The following NRG3 variants were observed in gnomAD, a reference collection of about 807,000 sequenced individuals.
The protein encoded by NRG3 is neuregulin 3.
In NRG3, 31 loss-of-function variants were observed where a neutral mutation model predicts 66.9. The ratio of observed to expected loss-of-function variants is 0.46; its 90% CI spans 0.35 to 0.63. The LOEUF (loss-of-function observed/expected upper bound fraction) is 0.63, where lower values mean the gene tolerates loss of function less well. NRG3 is among the 20% of genes least tolerant of loss of function. NRG3 has a pLI of 0.00. For synonymous variants in NRG3, 393 were observed against 359.4 expected, an observed-to-expected ratio of 1.09 and a Z score of -1.06; for missense variants, 910 against 878.9, an observed-to-expected ratio of 1.04 and a Z score of -0.45.
chr10:81,955,360 C>T (rs958556548), intron 1 of NRG3, among the ~76,000 whole-genome samples: 2 of 151,878 alleles, frequency 1.3e-5, no homozygotes, highest in East Asian at 1.9e-4. Flanking sequence ...GTTTGAAGGC[C>T]ATCAGACAGG....
chr10:82,262,067 A>C (rs1420271822), intron 1 of NRG3, among the ~76,000 whole-genome samples: 1 of 152,196 alleles, frequency 6.6e-6, no homozygotes, highest in Non-Finnish European at 1.5e-5. Context: ...CACCAGGAGC[A>C]AATGCTGGAG....
At chr10:82,935,628 T>C (rs1269887663) in intron 4 of NRG3, among the ~76,000 whole-genome samples, 1 of 151,576 alleles carries the variant, frequency 6.6e-6, no homozygotes, top group Non-Finnish European at 1.5e-5. Context: ...ATTTTTCTCT[T>C]TTTTTTTAAA....
At chr10:82,372,865 A>G (rs1168350749) in intron 2 of NRG3, among the ~76,000 whole-genome samples, 6 of 152,216 alleles carry the variant, frequency 3.9e-5, no homozygotes, top group Non-Finnish European at 5.9e-5. Context: ...AAGTGCTGGG[A>G]TTACGGGCAT....
At chr10:82,622,609 T>C (rs543640002) in intron 2 of NRG3, among the ~76,000 whole-genome samples, 5 of 152,326 alleles carry the variant, frequency 3.3e-5, no homozygotes, top group African/African-American at 4.8e-5. Context: ...TTAATTTTGA[T>C]GTTGTCCCAG....
chr10:81,900,240 G>A (rs147430356), intron 1 of NRG3, among the ~76,000 whole-genome samples: 5 of 145,000 alleles, frequency 3.4e-5, no homozygotes, highest in African/African-American at 1.1e-4. Flanking sequence ...GAGCCAATGC[G>A]CCTGGCCGGT....
chr10:82,934,571 C>G (rs1404843134), intron 4 of NRG3, among the ~76,000 whole-genome samples: 1 of 152,212 alleles, frequency 6.6e-6, no homozygotes, highest in Non-Finnish European at 1.5e-5. Flanking sequence ...CTGTAGAGCA[C>G]TGGCTGCTGA....
intron 2 of NRG3, among the ~76,000 whole-genome samples, chr10:82,448,828 G>A (rs928752617): frequency 9.9e-5 from 15 of 151,860 alleles, no homozygotes; most frequent in Admixed American, 8.5e-4. Context: ...CAGCAATTAT[G>A]TGTATATATA....
At chr10:82,729,581 GT>G (rs1261091554) in intron 2 of NRG3, among the ~76,000 whole-genome samples, 1 of 152,140 alleles carries the variant, frequency 6.6e-6, no homozygotes, top group African/African-American at 2.4e-5. Context: ...AGGTATTTTA[GT>G]TTTGTTAATG....
intron 2 of NRG3, among the ~76,000 whole-genome samples, chr10:82,534,031 C>G (rs916063504): frequency 1.3e-5 from 2 of 151,892 alleles, no homozygotes; most frequent in African/African-American, 4.8e-5. Context: ...TACAATAGCA[C>G]AAAAATAATA....
At chr10:82,453,480 G>A (rs1046322369) in intron 2 of NRG3, among the ~76,000 whole-genome samples, 1 of 152,026 alleles carries the variant, frequency 6.6e-6, no homozygotes, top group Non-Finnish European at 1.5e-5. Flanking sequence ...AGGGTTTGTT[G>A]TCTGTAACCA....
At chr10:82,932,713 A>T (rs1298315803) in intron 4 of NRG3, among the ~76,000 whole-genome samples, 2 of 152,148 alleles carry the variant, frequency 1.3e-5, no homozygotes, top group Non-Finnish European at 2.9e-5. Context: ...CTTTTTACAC[A>T]AACTGAACAA....
rs183248758 is a variant in NRG3 at position 81,987,048 on chromosome 10, T to C, written c.823+110885T>C. 2.6e-5 allele frequency among the ~76,000 whole-genome samples: 4 copies of C among 151,812 alleles called. No homozygotes were observed. The East Asian group carries it at 5.9e-4, about 22-fold the overall frequency. On this transcript the variant is annotated intron_variant, in intron 1 of 8. Transcript: ENST00000372141. ...GCACATATAACTTTGAAAACTATAT[T>C]ACCCTGTATAGATGCCATAGTGTGT...
At position 82,461,249 on chromosome 10, in the gene NRG3, GCCA is replaced by G. The variant is rs1019564039; in HGVS notation, c.953+102391_953+102393del. On this transcript the variant is annotated intron_variant, in intron 2 of 8. Transcript: ENST00000372141. The stretch of plus-strand genomic sequence containing the variant: ...CAACACCACCACCACCACCACCACT[GCCA>G]CCACCACCATCGACACCATCACAAA... Among the ~76,000 whole-genome samples the G allele has an allele frequency of 4.8e-5, 7 of 144,674 alleles. No homozygotes were observed. The South Asian group carries it at 6.9e-4, about 14-fold the overall frequency. The allele number at this position is 144,674 out of a possible 152,430, so 94.9% of individuals were successfully genotyped here. A position where few individuals can be genotyped will look rare whatever the true frequency, so the allele number is the denominator to read the frequency against.
Position 82,600,752 on chromosome 10 carries a change from G to T in NRG3, c.954-137825G>T, listed in dbSNP as rs74798188. ...CAAAGTGCTGGAATTACAGGCCTGA[G>T]CCACTGTGCCTGGCCATATCTCATT... On this transcript the variant is annotated intron_variant, in intron 2 of 8. Transcript: ENST00000372141. Among the ~76,000 whole-genome samples, 1,637 of 152,234 alleles carry T rather than the reference G, an allele frequency of 0.011. 58 individuals are homozygous for T. In the East Asian group the frequency reaches 0.14, roughly 13 times the overall value.
At chr10:82,187,289 G>T (rs1207552710) in intron 1 of NRG3, among the ~76,000 whole-genome samples, 1 of 152,090 alleles carries the variant, frequency 6.6e-6, no homozygotes, top group African/African-American at 2.4e-5. Flanking sequence ...GCTTTGATTT[G>T]TTGCCTTCTT....
chr10:82,113,989 C>T (rs1245512187), intron 1 of NRG3, among the ~76,000 whole-genome samples: 1 of 152,096 alleles, frequency 6.6e-6, no homozygotes, highest in Non-Finnish European at 1.5e-5. Context: ...CCAGCCTTCT[C>T]CCTACTCCCC....
intron 1 of NRG3, among the ~76,000 whole-genome samples, chr10:82,139,691 TGA>T (rs1223931256): frequency 1.3e-5 from 2 of 152,172 alleles, no homozygotes; most frequent in Non-Finnish European, 2.9e-5. Flanking sequence ...TAAGCAAAAG[TGA>T]ATAGTACAGC....
chr10:81,894,658 G>A (rs1190959942), intron 1 of NRG3, among the ~76,000 whole-genome samples: 1 of 152,162 alleles, frequency 6.6e-6, no homozygotes, highest in African/African-American at 2.4e-5. Flanking sequence ...CAGTCTAGAG[G>A]TCTTAAATTG....
At chr10:82,346,535 T>G (rs1034856189) in intron 1 of NRG3, among the ~76,000 whole-genome samples, 17 of 152,120 alleles carry the variant, frequency 1.1e-4, no homozygotes, top group Non-Finnish European at 1.9e-4. Context: ...TCTTTTTTGG[T>G]TGAGTCTCTG....
Sources: allele counts gnomAD v4.1 joint callset (sites outside exome capture counted in the v4.1 genomes callset), GRCh38; gene constraint gnomAD v4.1.1; transcripts MANE v1.5; gene names NCBI Gene and HGNC (gene_info 2026-07-23, HGNC 2026-07-21).